NUP58: variants seen among roughly 807,000 people sequenced by gnomAD.
The protein encoded by NUP58 is nucleoporin 58.
A neutral mutation model predicts 70.1 loss-of-function variants in NUP58; 17 were observed. The observed-to-expected ratio is 0.24, with a 90% CI of 0.17 to 0.36. NUP58 has a LOEUF of 0.36. Ranked by LOEUF, NUP58 falls within the 10% of genes least tolerant of loss-of-function variation. The pLI, the probability that NUP58 is intolerant of heterozygous loss-of-function variation, is 1.00. For missense variants in NUP58, 644 were observed against 701.5 expected, an observed-to-expected ratio of 0.92 and a Z score of 0.93; for synonymous variants, 275 against 257.6, an observed-to-expected ratio of 1.07 and a Z score of -0.65.
At chr13:25,319,276 T>C (rs1566063052) in intron 6 of NUP58, 50 bp from the exon 7 acceptor site, 2 of 1,474,398 alleles carry the variant, frequency 1.4e-6, no homozygotes, top group Middle Eastern at 1.7e-4. Flanking sequence ...ATTTGGAGTA[T>C]GTTGTTCAAT....
intron 3 of NUP58, among the ~76,000 whole-genome samples, chr13:25,311,643 G>A (rs1304815789): frequency 6.7e-6 from 1 of 150,102 alleles, no homozygotes; most frequent in Admixed American, 6.6e-5. Flanking sequence ...CCAAAGTGCT[G>A]GGATTACAGA....
chr13:25,316,090 T>C (rs148155715), intron 6 of NUP58, among the ~76,000 whole-genome samples: 125 of 152,296 alleles, frequency 8.2e-4, no homozygotes, highest in African/African-American at 2.7e-3. Flanking sequence ...ACCTGGAAAT[T>C]GGATCATTGG....
chr13:25,311,914 T>G (rs2030689036), intron 3 of NUP58, among the ~76,000 whole-genome samples: 1 of 152,114 alleles, frequency 6.6e-6, no homozygotes, highest in African/African-American at 2.4e-5. Flanking sequence ...GTTTCTGGCT[T>G]AAGCAATTGA....
At chr13:25,324,560 CTT>C (rs2031317518) in intron 9 of NUP58, among the ~76,000 whole-genome samples, 1 of 151,980 alleles carries the variant, frequency 6.6e-6, no homozygotes, top group African/African-American at 2.4e-5. Flanking sequence ...TGAGAAGTAA[CTT>C]TTAGCATAGT....
chr13:25,343,570 C>T (rs2032006060), downstream of NUP58, among the ~76,000 whole-genome samples: 1 of 150,778 alleles, frequency 6.6e-6, no homozygotes, highest in African/African-American at 2.4e-5. Flanking sequence ...CTCCCTCAGC[C>T]TCTGGAGTAG....
At chr13:25,349,312 T>C (rs1209578381) in intron 3 of NUP58, among the ~76,000 whole-genome samples, 5 of 152,208 alleles carry the variant, frequency 3.3e-5, no homozygotes, top group African/African-American at 9.7e-5. Context: ...TTTCTCCATA[T>C]AGGCCTTGGA....
rs766420838 is a variant in NUP58 at position 25,315,443 on chromosome 13, T to C, written c.661T>C (p.Phe221Leu). 1.9e-6 allele frequency: 3 copies of C among 1,612,450 alleles called. No homozygotes were observed. The highest frequency in any genetic ancestry group is 3.3e-5 in the Admixed American group (2 of 59,938). ...CAATGAAGGCCTTGGTGGTATAGAT[T>C]TCAGTAGCTCCTCAGATAAAAAGAG... ...AGNEGLGGID[F>L]SSSSDKKSDK... Residue 221 changes from phenylalanine (F) to leucine (L), a missense_variant, in exon 6 of 16, where the codon TTC (phenylalanine) becomes CTC (leucine). This residue lies in a region of NUP58 where 430 missense variants were observed against 409.2 expected (regional missense o/e 1.05). Coordinates refer to ENST00000381736, the MANE Select transcript of NUP58 (RefSeq NM_014089.4).
At chr13:25,303,846 G>T (rs1206270968) in intron 1 of NUP58, among the ~76,000 whole-genome samples, 1 of 152,150 alleles carries the variant, frequency 6.6e-6, no homozygotes, top group Non-Finnish European at 1.5e-5. Context: ...ATAGAAAAAG[G>T]GCTTTAATAA....
At chr13:25,302,879 G>T (rs760862790) in intron 1 of NUP58, 6 of 444,716 alleles carry the variant, frequency 1.3e-5, no homozygotes, top group South Asian at 9.7e-5. Context: ...CTCAACAACA[G>T]GTTCTGATAA....
In NUP58 at chr13:25,318,624, A is replaced by G. The variant is rs574378914; in HGVS notation, c.686-702A>G. On this transcript the variant is annotated intron_variant, in intron 6 of 15. Coordinates refer to ENST00000381736, the MANE Select transcript of NUP58 (RefSeq NM_014089.4). ...ACAAGTAAGCAGTTCATGAAAGAAG[A>G]AATATACTTGTCTCATGAGCATTTG... Among the ~76,000 whole-genome samples the G allele has an allele frequency of 2.6e-4, 40 of 152,326 alleles. No homozygotes were observed. The East Asian group carries it at 6.9e-3, about 26-fold the overall frequency.
At chr13:25,332,722 A>G (rs2031653451) in intron 13 of NUP58, 1 of 985,346 alleles carries the variant, frequency 1.0e-6, no homozygotes, top group South Asian at 4.7e-5. Flanking sequence ...GGCTGGACCC[A>G]TGTGAATAGT....
At chr13:25,315,491 A>G (rs2030885009) in intron 6 of NUP58, 24 bp downstream of exon 6, 1 of 1,511,180 alleles carries the variant, frequency 6.6e-7, no homozygotes, top group Non-Finnish European at 9.2e-7. Flanking sequence ...TTGTAACTTT[A>G]TGTTTTAACA....
intron 13 of NUP58, chr13:25,332,629 T>A: frequency 4.1e-6 from 4 of 985,452 alleles, no homozygotes; most frequent in Non-Finnish European, 4.8e-6. Context: ...AAAAAATTGT[T>A]CTTCACATTT....
chr13:25,318,982 T>C (rs1187120541), intron 6 of NUP58, among the ~76,000 whole-genome samples: 1 of 152,238 alleles, frequency 6.6e-6, no homozygotes, highest in African/African-American at 2.4e-5. Flanking sequence ...ATTCTTGCCC[T>C]TGAAAGTATA....
intron 11 of NUP58, 91 bp from the exon 12 acceptor site, chr13:25,327,339 T>G: frequency 1.3e-6 from 1 of 776,570 alleles, no homozygotes; most frequent in Non-Finnish European, 2.1e-6. Flanking sequence ...ACACGTTAAC[T>G]GTGCCAAAAA....
chr13:25,327,698 G>T (rs947283611), intron 12 of NUP58, among the ~76,000 whole-genome samples, 186 bp downstream of exon 12: 8 of 152,072 alleles, frequency 5.3e-5, no homozygotes, highest in Non-Finnish European at 1.0e-4. Context: ...TTTTAAAAAA[G>T]ATCCAAGTAC....
At chr13:25,333,752 A>G (rs985979655) in intron 13 of NUP58, 11 of 985,378 alleles carry the variant, frequency 1.1e-5, no homozygotes, top group Non-Finnish European at 1.3e-5. Context: ...GTTATCCCTT[A>G]TGCCCTGTGA....
At chr13:25,302,806 A>G in intron 1 of NUP58, 1 of 373,868 alleles carries the variant, frequency 2.7e-6, no homozygotes. Context: ...GGAACCACGG[A>G]CTACACAGTC....
chr13:25,336,993 C>T lies in NUP58; in HGVS notation c.1493C>T (p.Thr498Ile). 6.2e-7 allele frequency: 1 copy of T among 1,609,020 alleles called. No homozygotes were observed. The highest frequency in any genetic ancestry group is 8.5e-7 in the Non-Finnish European group (1 of 1,178,510). Residue 498 changes from threonine (T) to isoleucine (I), a missense_variant, in exon 14 of 16, where the codon ACT (threonine) becomes ATT (isoleucine). Around this residue, in one of 4 missense-constraint regions of NUP58, gnomAD observed 132 missense variants for 203.9 expected, o/e 0.65. Transcript: ENST00000381736. ...FGTPFGSGIGTGLQSSGLGSS... is the reference protein window; with the variant it reads ...FGTPFGSGIGIGLQSSGLGSS... ...ACGCCATTCGGCTCAGGTATTGGCA[C>T]TGGCTTGCAATCAAGTGGCTTAGGT...
Sources: gnomAD v4.1 joint callset for allele counts (sites outside exome capture counted in the v4.1 genomes callset) on GRCh38, gnomAD v4.1.1 for gene constraint, gnomAD v4.1.1 regional missense constraint, MANE v1.5 for transcripts, NCBI Gene and HGNC (gene_info 2026-07-23, HGNC 2026-07-21) for gene names.